ZNF730: variants seen among roughly 807,000 people sequenced by gnomAD.
The protein encoded by ZNF730 is putative zinc finger protein 730.
Under a neutral mutation model 12.6 loss-of-function variants are expected in ZNF730, and 12 were observed. That is an observed-to-expected ratio of 0.95 (90% confidence interval 0.61 to 1.54). The LOEUF (loss-of-function observed/expected upper bound fraction) is 1.54, where lower values mean the gene tolerates loss of function less well. Among genes scored for constraint, ZNF730 ranks in the 40% most tolerant of loss-of-function variants. The pLI is 0.00. For synonymous variants in ZNF730, 194 were observed against 195.8 expected (o/e 0.99, Z 0.08); for missense variants, 643 against 583.5 (o/e 1.10, Z -1.05).
chr19:23,080,426 A>G (rs1479531834), intron 1 of ZNF730, among the ~76,000 whole-genome samples: 2 of 151,388 alleles, frequency 1.3e-5, no homozygotes, highest in Non-Finnish European at 2.9e-5. Flanking sequence ...CCCAGGCTGG[A>G]GTGCAGTGGC....
intron 1 of ZNF730, among the ~76,000 whole-genome samples, chr19:23,107,202 A>T (rs1485530656): frequency 6.6e-6 from 1 of 151,200 alleles, no homozygotes; most frequent in African/African-American, 2.4e-5. Flanking sequence ...AGCTAGAATT[A>T]CAGGTGTGTA....
At chr19:23,102,608 G>T (rs1050799686) in intron 1 of ZNF730, among the ~76,000 whole-genome samples, 4 of 151,874 alleles carry the variant, frequency 2.6e-5, no homozygotes, top group African/African-American at 4.8e-5. Flanking sequence ...GGATTCTCCT[G>T]CCTCAGCCTC....
At chr19:23,130,714 C>G (rs1970734743) in intron 1 of ZNF730, among the ~76,000 whole-genome samples, 1 of 150,910 alleles carries the variant, frequency 6.6e-6, no homozygotes, top group African/African-American at 2.4e-5. Flanking sequence ...ATAAAATTGA[C>G]AGGGAAGTGA....
intron 1 of ZNF730, among the ~76,000 whole-genome samples, chr19:23,108,970 G>A (rs190883792): frequency 3.9e-5 from 6 of 151,958 alleles, no homozygotes; most frequent in Admixed American, 1.3e-4. Flanking sequence ...GGCTGGTCTC[G>A]AACTCCTAAC....
At chr19:23,140,065 A>ATG (rs149378177) in intron 3 of ZNF730, among the ~76,000 whole-genome samples, 5,202 of 149,926 alleles carry the variant, frequency 0.035, 239 homozygotes, top group African/African-American at 0.11. Flanking sequence ...CAATCAGATT[A>ATG]TGTGTGTGTG....
chr19:23,144,735 AT>A (rs1475032692), intron 3 of ZNF730, among the ~76,000 whole-genome samples: 2 of 147,796 alleles, frequency 1.4e-5, no homozygotes, highest in Non-Finnish European at 3.0e-5. Context: ...CACTTGCTAC[AT>A]TTGTTCTCTG....
Position 23,145,986 on chromosome 19 carries a change from C to T in ZNF730, c.942C>T (p.Cys314=), listed in dbSNP as rs746202754. 13 of 1,602,774 alleles carry T rather than the reference C, an allele frequency of 8.1e-6. No individual in the cohort carries two copies. Among genetic ancestry groups the T allele is most frequent in the South Asian group, 7.8e-5 (7 of 89,602 alleles). ...ATACTAAAGAGCAACCATACAAATG[C>T]GAAAAATGTGGCAAAGCTTTTAAGT... ...KIHTKEQPYK[C]EKCGKAFKWS... is the part of the protein sequence containing the mutation. Residue 314 remains cysteine (C), a synonymous_variant, in exon 4 of 4, where the codon TGC becomes TGT. Transcript: ENST00000597761.
intron 1 of ZNF730, among the ~76,000 whole-genome samples, chr19:23,083,767 TTG>T (rs1396272076): frequency 6.6e-6 from 1 of 152,166 alleles, no homozygotes; most frequent in African/African-American, 2.4e-5. Flanking sequence ...TTTTAATAGA[TTG>T]TGTTTTATTT....
intron 1 of ZNF730, among the ~76,000 whole-genome samples, chr19:23,092,444 C>T (rs988423231): frequency 2.6e-5 from 4 of 151,994 alleles, no homozygotes. Flanking sequence ...AAAAAATTAG[C>T]TGGGCATGGT....
chr19:23,107,469 A>AAAAAC (rs1568307648), intron 1 of ZNF730, among the ~76,000 whole-genome samples: 1 of 149,022 alleles, frequency 6.7e-6, no homozygotes, highest in Non-Finnish European at 1.5e-5. Context: ...AAAAAAAAAA[A>AAAAAC]AAAAAACCAC....
chr19:23,107,449 CAAAAAAAAAAA>C lies in ZNF730; in HGVS notation c.-93-26615_-93-26605del, dbSNP rs57120684. Among the ~76,000 whole-genome samples, 138 of 47,326 alleles carry C rather than the reference CAAAAAAAAAAA, an allele frequency of 2.9e-3. 2 individuals carry two copies. The highest frequency in any genetic ancestry group is 0.01 in the African/African-American group (120 of 11,796). The allele number at this position is 47,326 out of a possible 152,430, so 31.0% of individuals were successfully genotyped here. On this transcript the variant is annotated intron_variant, in intron 1 of 2. Transcript: ENST00000593635. Reference sequence around the variant, plus strand: ...TGTCTCTACTTTAAAAAAAAAATACCAAAAAAAAAAAAAAAAAAAAAAAAAACCACCACAGC... The same window carrying C: ...TGTCTCTACTTTAAAAAAAAAATACCAAAAAAAAAAAAAAACCACCACAGC...
rs79671221 is a variant in ZNF730 at position 23,075,909 on chromosome 19, T to C, written c.-94+522T>C. On this transcript the variant is annotated intron_variant, in intron 1 of 2. Coordinates refer to the ZNF730 transcript ENST00000593635. ...GCCTAATATATTAATTTATAAGAAA[T>C]GCATTCGAGTTGGGTTTTAGATTTT... 5.6e-4 allele frequency among the ~76,000 whole-genome samples: 85 copies of C among 152,116 alleles called. No individual in the cohort carries two copies. The East Asian group carries it at 0.016, about 28-fold the overall frequency.
chr19:23,111,641 C>T (rs956632883), intron 1 of ZNF730, among the ~76,000 whole-genome samples: 2 of 151,362 alleles, frequency 1.3e-5, no homozygotes, highest in Non-Finnish European at 2.9e-5. Context: ...CCCAGCTACT[C>T]GGGAGGCTGA....
At chr19:23,082,935 G>A (rs985314225) in intron 1 of ZNF730, among the ~76,000 whole-genome samples, 4 of 152,098 alleles carry the variant, frequency 2.6e-5, no homozygotes, top group Non-Finnish European at 4.4e-5. Context: ...CTGACGTCAG[G>A]TCATCTGCCC....
intron 2 of ZNF730, among the ~76,000 whole-genome samples, chr19:23,134,539 C>T (rs1158850629): frequency 4.2e-5 from 6 of 144,322 alleles, no homozygotes; most frequent in African/African-American, 1.3e-4. Context: ...TCTGCCCGGC[C>T]GCCCCTACTG....
intron 1 of ZNF730, among the ~76,000 whole-genome samples, chr19:23,122,067 G>GT (rs200655309): frequency 5.7e-5 from 8 of 141,030 alleles, no homozygotes; most frequent in South Asian, 4.6e-4. Flanking sequence ...TTTGGCAAAG[G>GT]TTTTTTTTTG....
chr19:23,083,373 G>A (rs1035044725), intron 1 of ZNF730, among the ~76,000 whole-genome samples: 1 of 152,114 alleles, frequency 6.6e-6, no homozygotes, highest in Admixed American at 6.6e-5. Flanking sequence ...GCAGTGAGCC[G>A]AGATTGTGCC....
intron 1 of ZNF730, among the ~76,000 whole-genome samples, chr19:23,088,236 T>C (rs1233865831): frequency 6.6e-6 from 1 of 151,030 alleles, no homozygotes; most frequent in Non-Finnish European, 1.5e-5. Flanking sequence ...GCCAGGCTGG[T>C]CTTGAACACC....
In ZNF730 at chr19:23,077,357, A is replaced by G. The variant is rs149323471; in HGVS notation, c.-94+1970A>G. On this transcript the variant is annotated intron_variant, in intron 1 of 2. Transcript: ENST00000593635. ...GTGATCTGCCCGCCTTGGCCTCCCA[A>G]TGTGCTGGGATTACAGGTGTAGGTT... 1.7e-4 allele frequency among the ~76,000 whole-genome samples: 25 copies of G among 148,472 alleles called. No individual in the cohort carries two copies. In the East Asian group the frequency reaches 4.3e-3, roughly 25 times the overall value.
Sources: gnomAD v4.1 joint callset for allele counts (sites outside exome capture counted in the v4.1 genomes callset) on GRCh38, gnomAD v4.1.1 for gene constraint, MANE v1.5 for transcripts, NCBI Gene and HGNC (gene_info 2026-07-23, HGNC 2026-07-21) for gene names.